RUFY1: variants seen among roughly 807,000 people sequenced by gnomAD.
The protein encoded by RUFY1 is RUN and FYVE domain containing 1.
Under a neutral mutation model 94.6 loss-of-function variants are expected in RUFY1, and 54 were observed. That is an observed-to-expected ratio of 0.57 (90% confidence interval 0.46 to 0.72). The LOEUF is 0.72. Ranked by LOEUF, RUFY1 falls within the 30% of genes least tolerant of loss-of-function variation. The pLI is 0.00. For missense variants in RUFY1, 883 were observed against 883.9 expected (o/e 1.00, Z 0.01); for synonymous variants, 396 against 347.3 (o/e 1.14, Z -1.56).
intron 6 of RUFY1, among the ~76,000 whole-genome samples, chr5:179,579,924 C>T (rs1763986402): frequency 6.6e-6 from 1 of 151,712 alleles, no homozygotes; most frequent in Admixed American, 6.6e-5. Context: ...CCACCTCGGC[C>T]TCCCAAAGTG....
chr5:179,602,054 C>G, intron 15 of RUFY1, 68 bp downstream of exon 15: 1 of 1,277,136 alleles, frequency 7.8e-7, no homozygotes, highest in Non-Finnish European at 1.1e-6. Context: ...CCCTCAGGCC[C>G]CAAACCTACC....
rs1430380032 is a variant in RUFY1, at chr5:179,555,320, C to T, written c.310+4441C>T. 2.6e-5 allele frequency among the ~76,000 whole-genome samples: 4 copies of T among 152,008 alleles called. No individual in the cohort carries two copies. The East Asian group carries it at 7.7e-4, about 29-fold the overall frequency. On this transcript the variant is annotated intron_variant, in intron 1 of 17. Coordinates refer to ENST00000319449, the MANE Select transcript of RUFY1 (RefSeq NM_025158.5). ...TGGCAATTCAGTAGGTGTAGAACTT[C>T]ACGATATTCTCTGTGTCATGTTGAA...
chr5:179,589,702 G>A lies in RUFY1; in HGVS notation c.1128+55G>A, dbSNP rs1209462172. ...TGTTTCTCACTCAGACACACCTATT[G>A]TCAATCTCAAGCTCATGGCTTAACA... On this transcript the variant is annotated intron_variant, in intron 9 of 17. Transcript: ENST00000319449. 32 of 1,292,644 alleles carry A rather than the reference G, an allele frequency of 2.5e-5. No individual in the cohort carries two copies. In the East Asian group the frequency reaches 4.4e-4, roughly 18 times the overall value. The allele number at this position is 1,292,644 out of a possible 1,614,324, so 80.1% of individuals were successfully genotyped here. A position where few individuals can be genotyped will look rare whatever the true frequency, so the allele number is the denominator to read the frequency against.
At chr5:179,561,517 G>C (rs1200383367) in intron 2 of RUFY1, among the ~76,000 whole-genome samples, 1 of 151,526 alleles carries the variant, frequency 6.6e-6, no homozygotes, top group Non-Finnish European at 1.5e-5. Context: ...GTAATGGTGG[G>C]GAGGTGACAG....
In RUFY1 at chr5:179,553,035, G is replaced by A. The variant is rs115922146; in HGVS notation, c.310+2156G>A. ...GGTGGAAAGGGCCAGGCACTCAGAA[G>A]TATCCCATGCTTGAAATTCTTAATT... On this transcript the variant is annotated intron_variant, in intron 1 of 17. Coordinates refer to ENST00000319449, the MANE Select transcript of RUFY1 (RefSeq NM_025158.5). Among the ~76,000 whole-genome samples the A allele has an allele frequency of 5.2e-3, 786 of 152,378 alleles. 11 individuals are homozygous for A. Among genetic ancestry groups the A allele is most frequent in the African/African-American group, 0.018 (755 of 41,588 alleles).
At chr5:179,602,007 G>A (rs747360313) in intron 15 of RUFY1, 21 bp downstream of exon 15, 55 of 1,582,676 alleles carry the variant, frequency 3.5e-5, no homozygotes, top group Middle Eastern at 3.7e-4. Flanking sequence ...CACTCCCCTT[G>A]TCTGCCACTG....
chr5:179,584,695 G>A (rs1440751658), intron 7 of RUFY1, among the ~76,000 whole-genome samples: 2 of 152,076 alleles, frequency 1.3e-5, no homozygotes, highest in Non-Finnish European at 1.5e-5. Flanking sequence ...CTTGGAGGTT[G>A]AGGCTACAGT....
chr5:179,550,992 C>T lies in RUFY1; in HGVS notation c.310+113C>T, dbSNP rs1375521016. ...GCACTGGCCGTTCCGGGAGGTTACG[C>T]GAGCTGTTGGCGGGCGGGCGGCGCC... On this transcript the variant is annotated intron_variant, in intron 1 of 17. Transcript: ENST00000319449. 6.6e-6 allele frequency: 6 copies of T among 905,968 alleles called. No homozygotes were observed. In the Admixed American group the frequency reaches 1.8e-4, roughly 27 times the overall value. The allele number at this position is 905,968 out of a possible 1,614,324, so 56.1% of individuals were successfully genotyped here.
chr5:179,561,721 C>G (rs1312539897), intron 2 of RUFY1, among the ~76,000 whole-genome samples: 22 of 111,972 alleles, frequency 2.0e-4, no homozygotes, highest in Non-Finnish European at 3.7e-4. Flanking sequence ...CTCGCTCTGT[C>G]CCCCAGGCTG....
At position 179,550,634 on chromosome 5, in the gene RUFY1, C is replaced by CGGGGCCG. The variant is rs756297260; in HGVS notation, c.69_75dup (p.Pro26AlafsTer8). 63 of 1,378,750 alleles carry CGGGGCCG rather than the reference C, an allele frequency of 4.6e-5. No individual in the cohort carries two copies. The highest frequency in any genetic ancestry group is 5.4e-5 in the Non-Finnish European group (58 of 1,077,132). 85.4% of individuals were successfully genotyped at this position (1,378,750 alleles called of 1,614,324 possible). A position where few individuals can be genotyped will look rare whatever the true frequency, so the allele number is the denominator to read the frequency against. On this transcript the variant is annotated frameshift_variant, in exon 1 of 18. Coordinates refer to ENST00000319449, the MANE Select transcript of RUFY1 (RefSeq NM_025158.5). LOFTEE classifies it high-confidence loss of function. ...CGGGAGCTGGAGCCGGAGCTGGAGC[C>CGGGGCCG]GGGGCCGGGGCCCGGGTCAGCGCTT...
chr5:179,580,334 C>G (rs1449253669), intron 6 of RUFY1, among the ~76,000 whole-genome samples: 1 of 151,020 alleles, frequency 6.6e-6, no homozygotes, highest in African/African-American at 2.4e-5. Flanking sequence ...GCTCCGCCTC[C>G]CGGGTTCACG....
At chr5:179,594,314 A>T (rs185088787) in intron 11 of RUFY1, among the ~76,000 whole-genome samples, 82 of 151,926 alleles carry the variant, frequency 5.4e-4, no homozygotes, top group African/African-American at 1.9e-3. Context: ...GAAAAAAAAA[A>T]AAAGTCATTT....
Position 179,560,078 on chromosome 5 carries a change from C to T in RUFY1, c.364C>T (p.Leu122Phe). The change falls in exon 2 of 18, where the codon CTC becomes TTC. Residue 122 changes from leucine to phenylalanine, a missense_variant. Physicochemically the swap from Leu to Phe is conservative, Grantham distance 22. Coordinates refer to ENST00000319449, the MANE Select transcript of RUFY1 (RefSeq NM_025158.5). ...ERANLMHMMK[L>F]SIKVLLQSAL... ...TGCCAACCTGATGCACATGATGAAA[C>T]TCAGCATCAAGGTGTTGCTCCAGTC... 1 of 1,614,080 alleles carries T rather than the reference C, an allele frequency of 6.2e-7. No individual in the cohort carries two copies. The highest frequency in any genetic ancestry group is 8.5e-7 in the Non-Finnish European group (1 of 1,180,020).
In RUFY1 at chr5:179,560,159, T is replaced by C. The variant is rs1762332653; in HGVS notation, c.445T>C (p.Phe149Leu). 6.2e-7 allele frequency: 1 copy of C among 1,613,888 alleles called. No individual in the cohort carries two copies. The change falls in exon 2 of 18, where the codon TTT becomes CTT. Residue 149 changes from phenylalanine (F) to leucine (L), a missense_variant. Physicochemically the swap from Phe to Leu is conservative, Grantham distance 22 (BLOSUM62 0). Transcript: ENST00000319449. ...GGACCATGCCCCCTTGCAGCAGTTC[T>C]TTGTAGTGATGGAGCACTGCCTCAA... ...DADHAPLQQFFVVMEHCLKHG... is the reference protein window; with the variant it reads ...DADHAPLQQFLVVMEHCLKHG...
At chr5:179,583,154 T>C (rs1764292406) in intron 7 of RUFY1, among the ~76,000 whole-genome samples, 1 of 151,398 alleles carries the variant, frequency 6.6e-6, no homozygotes, top group East Asian at 2.0e-4. Flanking sequence ...AATACAAAAA[T>C]TAACCGGCAT....
intron 14 of RUFY1, among the ~76,000 whole-genome samples, chr5:179,599,884 G>C (rs551889531): frequency 9.5e-4 from 144 of 152,380 alleles, no homozygotes; most frequent in African/African-American, 3.4e-3. Context: ...TGTGTTGAAC[G>C]TGGTAATGGA....
intron 7 of RUFY1, among the ~76,000 whole-genome samples, chr5:179,582,177 C>T (rs1764216466): frequency 6.6e-6 from 1 of 152,112 alleles, no homozygotes; most frequent in Non-Finnish European, 1.5e-5. Context: ...CTTCTTCATA[C>T]TGGACCATTC....
chr5:179,567,690 C>T (rs891491988), intron 4 of RUFY1, 128 bp downstream of exon 4: 13 of 622,296 alleles, frequency 2.1e-5, no homozygotes, highest in Middle Eastern at 4.0e-4. Context: ...GCTTGAGGTC[C>T]GGAGTTCAAG....
intron 8 of RUFY1, among the ~76,000 whole-genome samples, chr5:179,588,228 G>T (rs1413372608): frequency 6.6e-6 from 1 of 152,108 alleles, no homozygotes; most frequent in Non-Finnish European, 1.5e-5. Flanking sequence ...ATTCTCAGGG[G>T]GTGTAGACAC....
Sources: allele counts gnomAD v4.1 joint callset (sites outside exome capture counted in the v4.1 genomes callset), GRCh38; gene constraint gnomAD v4.1.1; transcripts MANE v1.5; gene names NCBI Gene and HGNC (gene_info 2026-07-23, HGNC 2026-07-21).